B4GALT1: variants seen among roughly 807,000 people sequenced by gnomAD.
B4GALT1 encodes the protein beta-1,4-galactosyltransferase 1, also known as N-acetyllactosamine synthase.
Under a neutral mutation model 34.9 loss-of-function variants are expected in B4GALT1, and 16 were observed. The observed-to-expected ratio is 0.46, with a 90% CI of 0.31 to 0.70. B4GALT1 has a LOEUF of 0.70. Ranked by LOEUF, B4GALT1 falls within the 30% of genes least tolerant of loss-of-function variation. B4GALT1 has a pLI of 0.05. For synonymous variants in B4GALT1, 221 were observed against 218.1 expected, an observed-to-expected ratio of 1.01 and a Z score of -0.12; for missense variants, 445 against 530.5, an observed-to-expected ratio of 0.84 and a Z score of 1.58.
In B4GALT1 at chr9:33,112,762, A is replaced by C. The variant is rs1217516149; in HGVS notation, c.*692T>G. On this transcript the variant is annotated 3_prime_UTR_variant, in exon 6 of 6. Transcript: ENST00000379731. ...AAACTACTATTTAAAAAAAAACACAACAACTTTACATTCAGAAATCAGACA... is the reference window on the plus strand; with the variant it reads ...AAACTACTATTTAAAAAAAAACACACCAACTTTACATTCAGAAATCAGACA... 3 of 153,102 alleles carry C rather than the reference A, an allele frequency of 2.0e-5. No individual in the cohort carries two copies. Among genetic ancestry groups the C allele is most frequent in the African/African-American group, 7.2e-5 (3 of 41,464 alleles). The allele number at this position is 153,102 out of a possible 1,614,324, so 9.5% of individuals were successfully genotyped here.
chr9:33,108,863 T>C (rs187130516), downstream of B4GALT1: 204 of 152,160 alleles, frequency 1.3e-3, no homozygotes, highest in African/African-American at 4.7e-3. Flanking sequence ...CTAAAACTCT[T>C]ATAATTTCCT....
At chr9:33,148,144 T>A (rs1393387229) in intron 1 of B4GALT1, among the ~76,000 whole-genome samples, 1 of 152,048 alleles carries the variant, frequency 6.6e-6, no homozygotes, top group Non-Finnish European at 1.5e-5. Context: ...TTCCTGCATA[T>A]CTTCAAGAAA....
chr9:33,145,874 G>A (rs1196348888), intron 1 of B4GALT1, among the ~76,000 whole-genome samples: 4 of 152,196 alleles, frequency 2.6e-5, no homozygotes, highest in African/African-American at 9.7e-5. Flanking sequence ...TGGCATAAAA[G>A]TGAATCTTAT....
At chr9:33,149,221 A>T (rs1208516325) in intron 1 of B4GALT1, among the ~76,000 whole-genome samples, 2 of 151,982 alleles carry the variant, frequency 1.3e-5, no homozygotes, top group African/African-American at 4.8e-5. Context: ...AAGTGGATGA[A>T]AGTTTGAGGA....
chr9:33,106,686 G>A (rs1184567715), downstream of B4GALT1, among the ~76,000 whole-genome samples: 1 of 152,202 alleles, frequency 6.6e-6, no homozygotes, highest in Non-Finnish European at 1.5e-5. Context: ...GGCAGGGAGG[G>A]AGGAGAGCAG....
At chr9:33,109,651 G>A (rs1168966675), downstream of B4GALT1, among the ~76,000 whole-genome samples, 1 of 152,226 alleles carries the variant, frequency 6.6e-6, no homozygotes. Flanking sequence ...AAACATTTTT[G>A]TAAAGCATAG....
intron 2 of B4GALT1, among the ~76,000 whole-genome samples, chr9:33,130,046 T>C (rs1286028406): frequency 2.0e-5 from 3 of 152,170 alleles, no homozygotes; most frequent in African/African-American, 7.2e-5. Context: ...CCTGGGCAGC[T>C]GAGGGAGAGG....
chr9:33,137,600 GA>G (rs2118170549), intron 1 of B4GALT1, among the ~76,000 whole-genome samples: 2 of 152,084 alleles, frequency 1.3e-5, no homozygotes, highest in East Asian at 3.9e-4. Flanking sequence ...CCTATCACAA[GA>G]ATTGCTTGAG....
At chr9:33,129,269 T>G (rs1840158206) in intron 2 of B4GALT1, among the ~76,000 whole-genome samples, 1 of 152,146 alleles carries the variant, frequency 6.6e-6, no homozygotes, top group South Asian at 2.1e-4. Context: ...TTGTGACCAT[T>G]AACAATCACA....
intron 1 of B4GALT1, among the ~76,000 whole-genome samples, chr9:33,137,659 G>C (rs565071268): frequency 6.6e-6 from 1 of 152,196 alleles, no homozygotes; most frequent in East Asian, 1.9e-4. Context: ...TAGAGAGTCT[G>C]TGGATTTTGG....
chr9:33,159,714 G>C (rs1840647534), intron 1 of B4GALT1, among the ~76,000 whole-genome samples: 1 of 152,188 alleles, frequency 6.6e-6, no homozygotes, highest in Non-Finnish European at 1.5e-5. Context: ...CTGGAGGTGG[G>C]AGAGCTGTGC....
At chr9:33,143,142 C>T (rs1305163263) in intron 1 of B4GALT1, among the ~76,000 whole-genome samples, 2 of 152,050 alleles carry the variant, frequency 1.3e-5, no homozygotes, top group African/African-American at 2.4e-5. Flanking sequence ...AAGACTCCAT[C>T]TCAAAAAGAA....
At chr9:33,123,277 CAAA>C (rs72342632) in intron 2 of B4GALT1, among the ~76,000 whole-genome samples, 66 of 85,686 alleles carry the variant, frequency 7.7e-4, no homozygotes, top group South Asian at 2.3e-3. Flanking sequence ...GACACTGTCT[CAAA>C]AAAAAAAAAA....
chr9:33,109,185 G>A (rs1478798152), downstream of B4GALT1, among the ~76,000 whole-genome samples: 7 of 152,148 alleles, frequency 4.6e-5, no homozygotes, highest in East Asian at 1.9e-4. Context: ...GGCAATGGCC[G>A]ATGATGTAGT....
intron 1 of B4GALT1, among the ~76,000 whole-genome samples, chr9:33,140,968 A>G: frequency 6.6e-6 from 1 of 152,204 alleles, no homozygotes; most frequent in East Asian, 1.9e-4. Flanking sequence ...CTAAGTCTGC[A>G]AGGGCTTCAG....
chr9:33,169,968 A>AT (rs74178857), upstream of B4GALT1, among the ~76,000 whole-genome samples: 41,653 of 120,314 alleles, frequency 0.35, 8,560 homozygotes, highest in East Asian at 0.62. Flanking sequence ...CAGCCCCTAG[A>AT]TTTTTTTTTT....
At chr9:33,115,123 C>T (rs1839920713) in intron 4 of B4GALT1, among the ~76,000 whole-genome samples, 1 of 152,254 alleles carries the variant, frequency 6.6e-6, no homozygotes, top group African/African-American at 2.4e-5. Context: ...GATACCCCAT[C>T]TACATACTAA....
At chr9:33,169,817 G>A (rs113120360), upstream of B4GALT1, among the ~76,000 whole-genome samples, 8,753 of 151,822 alleles carry the variant, frequency 0.058, 286 homozygotes, top group Non-Finnish European at 0.068. Context: ...CACCGCGCCC[G>A]GCCTTAACCT....
At chr9:33,174,218 G>T in the B4GALT1 span, 1 of 153,140 alleles carries the variant, frequency 6.5e-6, no homozygotes, top group South Asian at 1.8e-4. Flanking sequence ...CATGTAGTGA[G>T]GGCAGTACTG....
Sources: gnomAD v4.1 joint callset for allele counts (sites outside exome capture counted in the v4.1 genomes callset) on GRCh38, gnomAD v4.1.1 for gene constraint, MANE v1.5 for transcripts, NCBI Gene and HGNC (gene_info 2026-07-23, HGNC 2026-07-21) for gene names.